TBC1D22A: variants seen among roughly 807,000 people sequenced by gnomAD.
The protein encoded by TBC1D22A is TBC1 domain family member 22A, also known as putative GTPase activator.
Under a neutral mutation model 60.2 loss-of-function variants are expected in TBC1D22A, and 38 were observed. The observed-to-expected ratio is 0.63, with a 90% CI of 0.49 to 0.83. The LOEUF (loss-of-function observed/expected upper bound fraction) is 0.83, where lower values mean the gene tolerates loss of function less well. Among genes scored for constraint, TBC1D22A ranks in the 40% least tolerant of loss-of-function variants. The pLI, the probability that TBC1D22A is intolerant of heterozygous loss-of-function variation, is 0.00. For synonymous variants in TBC1D22A, 302 were observed against 281.7 expected, an observed-to-expected ratio of 1.07 and a Z score of -0.72; for missense variants, 628 against 701.0, an observed-to-expected ratio of 0.90 and a Z score of 1.18.
At position 47,111,246 on chromosome 22, in the gene TBC1D22A, AC is replaced by A. The variant is rs774766012; in HGVS notation, c.1330-261del. On this transcript the variant is annotated intron_variant, in intron 11 of 12. Coordinates refer to ENST00000337137, the MANE Select transcript of TBC1D22A (RefSeq NM_014346.5). Reference sequence around the variant, plus strand: ...TTGTCTGCGCAAGAGAGAAGAATGAACAACCGCTTCTGAGGCTGTCTGAAGC... The same window carrying A: ...TTGTCTGCGCAAGAGAGAAGAATGAAAACCGCTTCTGAGGCTGTCTGAAGC... Among the ~76,000 whole-genome samples, 245 of 152,364 alleles carry A rather than the reference AC, an allele frequency of 1.6e-3. 2 individuals are homozygous for A. Among genetic ancestry groups the A allele is most frequent in the Admixed American group, 3.5e-3 (54 of 15,306 alleles).
At position 46,847,413 on chromosome 22, in the gene TBC1D22A, A is replaced by G. The variant is rs1445022124; in HGVS notation, c.638-31240A>G. ...AGACGTACCCAGTAGGTCCTAAGGC[A>G]TGAAGGTTGGCCTGGTTTATGTTAT... On this transcript the variant is annotated intron_variant, in intron 4 of 12. Coordinates refer to ENST00000337137, the MANE Select transcript of TBC1D22A (RefSeq NM_014346.5). Among the ~76,000 whole-genome samples, 3 of 152,334 alleles carry G rather than the reference A, an allele frequency of 2.0e-5. No homozygotes were observed. The East Asian group carries it at 5.8e-4, about 29-fold the overall frequency.
chr22:46,911,818 C>T (rs1457191878), intron 7 of TBC1D22A, among the ~76,000 whole-genome samples: 3 of 151,598 alleles, frequency 2.0e-5, no homozygotes, highest in Non-Finnish European at 4.4e-5. Context: ...ACTTGGAAGG[C>T]TGAGGTGGGA....
At chr22:46,874,562 C>CT (rs747481407) in intron 4 of TBC1D22A, among the ~76,000 whole-genome samples, 1,499 of 40,786 alleles carry the variant, frequency 0.037, 370 homozygotes, top group Non-Finnish European at 0.053. Flanking sequence ...ACAGGTATGT[C>CT]TTTTTTTTTT....
At chr22:47,077,852 A>G (rs1329953246) in intron 11 of TBC1D22A, among the ~76,000 whole-genome samples, 1 of 152,202 alleles carries the variant, frequency 6.6e-6, no homozygotes, top group Non-Finnish European at 1.5e-5. Flanking sequence ...TGGGATAGGA[A>G]TGCCTGTGCG....
intron 11 of TBC1D22A, among the ~76,000 whole-genome samples, chr22:47,085,360 G>T (rs1429325536): frequency 6.6e-6 from 1 of 152,120 alleles, no homozygotes; most frequent in African/African-American, 2.4e-5. Context: ...GGTTGATCAT[G>T]AATTTTTTCC....
chr22:47,118,678 A>T (rs1380508262), intron 12 of TBC1D22A, among the ~76,000 whole-genome samples: 1 of 152,208 alleles, frequency 6.6e-6, no homozygotes, highest in Non-Finnish European at 1.5e-5. Context: ...ATTCCTAAGT[A>T]CATCTTAGAG....
At chr22:46,790,498 C>T (rs78974184) in intron 1 of TBC1D22A, among the ~76,000 whole-genome samples, 1 of 152,326 alleles carries the variant, frequency 6.6e-6, no homozygotes, top group Non-Finnish European at 1.5e-5. Context: ...CGTTATTCTG[C>T]TGACCACACC....
intron 11 of TBC1D22A, among the ~76,000 whole-genome samples, chr22:47,063,439 G>C (rs1014804528): frequency 6.6e-6 from 1 of 152,172 alleles, no homozygotes; most frequent in Non-Finnish European, 1.5e-5. Context: ...GGGTGATGGA[G>C]AGGACAGCCT....
At chr22:46,835,335 G>T (rs1303679429) in intron 4 of TBC1D22A, among the ~76,000 whole-genome samples, 1 of 152,144 alleles carries the variant, frequency 6.6e-6, no homozygotes, top group Non-Finnish European at 1.5e-5. Context: ...TGAGAAAACA[G>T]ACAACTCAAC....
rs9615115 is a variant in TBC1D22A at position 47,035,377 on chromosome 22, C to T, written c.1202-1694C>T. 2.6e-3 allele frequency among the ~76,000 whole-genome samples: 395 copies of T among 152,302 alleles called. 4 individuals carry two copies. Among genetic ancestry groups the T allele is most frequent in the Non-Finnish European group, 3.5e-3 (239 of 68,012 alleles). On this transcript the variant is annotated intron_variant, in intron 10 of 12. Transcript: ENST00000337137. ...GGAGGGCAGTCCTGTGGGTCGTGGGCAAGGCTGTCCAGCCTCCCTGGTGAC... is the reference window on the plus strand; with the variant it reads ...GGAGGGCAGTCCTGTGGGTCGTGGGTAAGGCTGTCCAGCCTCCCTGGTGAC...
intron 4 of TBC1D22A, among the ~76,000 whole-genome samples, chr22:46,826,095 A>G (rs1346326626): frequency 3.3e-5 from 5 of 151,738 alleles, no homozygotes; most frequent in Admixed American, 6.6e-5. Context: ...GTTAGCCATG[A>G]TGGTCTCGAT....
intron 8 of TBC1D22A, among the ~76,000 whole-genome samples, chr22:46,945,491 A>G (rs2072478431): frequency 6.6e-6 from 1 of 152,206 alleles, no homozygotes. Flanking sequence ...GAATAACTTG[A>G]TCAAGGTCTC....
At chr22:46,779,636 C>A (rs536517665) in intron 1 of TBC1D22A, among the ~76,000 whole-genome samples, 1 of 152,150 alleles carries the variant, frequency 6.6e-6, no homozygotes, top group East Asian at 1.9e-4. Flanking sequence ...TTGTTATGTG[C>A]GGGAAAAAAT....
At chr22:46,967,978 C>A (rs1004458334) in intron 8 of TBC1D22A, among the ~76,000 whole-genome samples, 4 of 152,182 alleles carry the variant, frequency 2.6e-5, no homozygotes, top group African/African-American at 9.7e-5. Flanking sequence ...GTCCTCTACT[C>A]CAGTTCCAGA....
intron 8 of TBC1D22A, among the ~76,000 whole-genome samples, chr22:46,924,138 C>T (rs1277256880): frequency 6.6e-6 from 1 of 152,184 alleles, no homozygotes; most frequent in African/African-American, 2.4e-5. Context: ...TATTTGCCCC[C>T]CTCCCCATCT....
chr22:47,136,432 T>A (rs1467672097), intron 12 of TBC1D22A, among the ~76,000 whole-genome samples: 1 of 152,212 alleles, frequency 6.6e-6, no homozygotes, highest in Non-Finnish European at 1.5e-5. Flanking sequence ...TGTAGGACGT[T>A]GGGAGGAGTA....
chr22:47,132,912 C>G (rs75203183), intron 12 of TBC1D22A, among the ~76,000 whole-genome samples: 234 of 152,144 alleles, frequency 1.5e-3, no homozygotes, highest in African/African-American at 5.2e-3. Context: ...GCCTTGAACT[C>G]CCTGGGGTGG....
At chr22:46,792,818 G>T in intron 2 of TBC1D22A, 1 of 1,443,514 alleles carries the variant, frequency 6.9e-7, no homozygotes, top group Non-Finnish European at 9.1e-7. Flanking sequence ...GGGGAGCCCT[G>T]GGGAGAGCCA....
chr22:47,131,010 C>T lies in TBC1D22A; in HGVS notation c.1425+19407C>T, dbSNP rs543059457. Among the ~76,000 whole-genome samples, 4 of 152,276 alleles carry T rather than the reference C, an allele frequency of 2.6e-5. No individual in the cohort carries two copies. The East Asian group carries it at 5.8e-4, about 22-fold the overall frequency. On this transcript the variant is annotated intron_variant, in intron 12 of 12. Coordinates refer to ENST00000337137, the MANE Select transcript of TBC1D22A (RefSeq NM_014346.5). The stretch of plus-strand genomic sequence containing the variant: ...CCTTATGGTGAGAGGCACGGGGAGC[C>T]GGCGTGTCACGTGGCGAGAGAGGGA...
Sources: allele counts gnomAD v4.1 joint callset (sites outside exome capture counted in the v4.1 genomes callset), GRCh38; gene constraint gnomAD v4.1.1; transcripts MANE v1.5; gene names NCBI Gene and HGNC (gene_info 2026-07-23, HGNC 2026-07-21).